Variants in NEB observed in about 807,000 individuals in gnomAD.
NEB encodes nebulin.
In NEB, 512 loss-of-function variants were observed where a neutral mutation model predicts 952.2. The ratio of observed to expected loss-of-function variants is 0.54; its 90% confidence interval spans 0.50 to 0.58. The LOEUF (loss-of-function observed/expected upper bound fraction) is 0.58. NEB is among the 20% of genes least tolerant of loss of function. The pLI is 0.00. For missense variants in NEB, 8,428 were observed against 9,231.1 expected (o/e 0.91, Z 3.56); for synonymous variants, 2,900 against 3,149.8 (o/e 0.92, Z 2.66).
At chr2:151,729,726 A>G in intron 3 of NEB, 70 bp from the exon 4 acceptor site, 1 of 1,510,386 alleles carries the variant, frequency 6.6e-7, no homozygotes, top group Non-Finnish European at 9.2e-7. Context: ...GCCTCAGCTG[A>G]ACCACTTAGG....
intron 18 of NEB, 89 bp downstream of exon 18, chr2:151,695,489 A>C: frequency 1.1e-6 from 1 of 884,428 alleles, no homozygotes; most frequent in Non-Finnish European, 1.8e-6. Context: ...TTTTAACATT[A>C]ATCTATTCAT....
At chr2:151,556,574 T>C (rs1317195411) in intron 124 of NEB, among the ~76,000 whole-genome samples, 1 of 152,000 alleles carries the variant, frequency 6.6e-6, no homozygotes, top group Non-Finnish European at 1.5e-5. Context: ...TAAAAGGTTT[T>C]ACACAGACTT....
At chr2:151,548,280 G>T in intron 131 of NEB, 28 bp downstream of exon 131, 1 of 1,530,522 alleles carries the variant, frequency 6.5e-7, no homozygotes, top group Non-Finnish European at 9.1e-7. Flanking sequence ...AACTCAATAT[G>T]TCTCTTGGAG....
chr2:151,576,119 A>G, intron 106 of NEB, 32 bp downstream of exon 106: 1 of 1,473,346 alleles, frequency 6.8e-7, no homozygotes, highest in Non-Finnish European at 9.3e-7. Flanking sequence ...TTATGGCATT[A>G]ATTCAATTTT....
chr2:151,680,750 T>C lies in NEB; in HGVS notation c.3022A>G (p.Asn1008Asp), dbSNP rs1576128802. 1 of 1,608,688 alleles carries C rather than the reference T, an allele frequency of 6.2e-7. No homozygotes were observed. Among genetic ancestry groups the C allele is most frequent in the African/African-American group, 1.3e-5 (1 of 74,926 alleles). Residue 1008 changes from asparagine (N) to aspartate (D), a missense_variant, in exon 30 of 182, where the codon AAC becomes GAC. Physicochemically the swap from Asn to Asp is conservative, Grantham distance 23. Transcript: ENST00000397345. ...DAPITVQSKI[N>D]QAQRSDIAYK... Reference sequence around the variant, plus strand: ...CTTACATCACTCCTCTGGGCCTGGTTAATTTTAGACTGTACTGTAATTGGA... The same window carrying C: ...CTTACATCACTCCTCTGGGCCTGGTCAATTTTAGACTGTACTGTAATTGGA...
intron 71 of NEB, among the ~76,000 whole-genome samples, chr2:151,622,432 T>C (rs2098437218): frequency 6.6e-6 from 1 of 152,252 alleles, no homozygotes; most frequent in Non-Finnish European, 1.5e-5. Context: ...TATGTTTTAA[T>C]ATTTTAAAAT....
chr2:151,523,971 C>T (rs371358588), intron 153 of NEB, among the ~76,000 whole-genome samples: 1 of 152,166 alleles, frequency 6.6e-6, no homozygotes, highest in Non-Finnish European at 1.5e-5. Context: ...TCCCAGGTGA[C>T]TCAAGTATGA....
At position 151,522,068 on chromosome 2, in the gene NEB, A is replaced by G. The variant is rs565335470; in HGVS notation, c.22479+2243T>C. On this transcript the variant is annotated intron_variant, in intron 153 of 181. Coordinates refer to ENST00000397345, the MANE Select transcript of NEB (RefSeq NM_001164508.2). ...AACTCTGCAATGCCATGTCTCGGCA[A>G]GTGGCAGCCCCCGGGGTTTATAATC... Among the ~76,000 whole-genome samples, 24 of 152,336 alleles carry G rather than the reference A, an allele frequency of 1.6e-4. 1 individual carries two copies. The South Asian group carries it at 4.8e-3, about 30-fold the overall frequency.
chr2:151,578,575 C>T (rs1298262694), intron 105 of NEB, among the ~76,000 whole-genome samples: 1 of 151,222 alleles, frequency 6.6e-6, no homozygotes, highest in Non-Finnish European at 1.5e-5. Context: ...GCAGAAGAAT[C>T]GCTTGAACCC....
intron 53 of NEB, 51 bp from the exon 54 acceptor site, chr2:151,650,430 T>C (rs2099018313): frequency 1.3e-6 from 2 of 1,559,716 alleles, no homozygotes; most frequent in Non-Finnish European, 1.8e-6. Context: ...CCTGGACCCT[T>C]GATTCAAGTG....
In NEB at chr2:151,727,163, C is replaced by T. The variant is rs61576710; in HGVS notation, c.294+528G>A. ...TTCCCAGGGGGTTCCAGTGTGCAGC[C>T]ATGGTTAATAACCACTGTTTTAAGG... On this transcript the variant is annotated intron_variant, in intron 5 of 181. Coordinates refer to ENST00000397345, the MANE Select transcript of NEB (RefSeq NM_001164508.2). Among the ~76,000 whole-genome samples the T allele has an allele frequency of 6.4e-3, 968 of 152,214 alleles. 56 individuals are homozygous for T. In the East Asian group the frequency reaches 0.14, roughly 22 times the overall value.
chr2:151,611,695 T>C (rs944723023), intron 78 of NEB, among the ~76,000 whole-genome samples: 1 of 152,194 alleles, frequency 6.6e-6, no homozygotes, highest in Non-Finnish European at 1.5e-5. Context: ...AAAGCAGAGA[T>C]TGCAGCTAGC....
chr2:151,506,895 A>C lies in NEB; in HGVS notation c.23556+14T>G. 6.5e-7 allele frequency: 1 copy of C among 1,540,042 alleles called. No individual in the cohort carries two copies. Among genetic ancestry groups the C allele is most frequent in the Non-Finnish European group, 9.0e-7 (1 of 1,115,000 alleles). On this transcript the variant is annotated intron_variant, in intron 163 of 181. Transcript: ENST00000397345. ...CTAGGTTAGCATTAAATGCAAAATA[A>C]ATAGTAAATATACCGAGCTGAAATT...
chr2:151,522,599 C>T (rs2082642463), intron 153 of NEB, among the ~76,000 whole-genome samples: 1 of 152,120 alleles, frequency 6.6e-6, no homozygotes, highest in Non-Finnish European at 1.5e-5. Flanking sequence ...AACAAATTTC[C>T]ACAGCAATCT....
chr2:151,537,186 G>A lies in NEB; in HGVS notation c.21153C>T (p.Ala7051=). ...LTWLKGIGCY[A]YDTPDFTLAE... is the part of the protein sequence containing the mutation. ...CCAGAGTGAAATCAGGGGTATCATAGGCATAGCAACCAATGCCTTTAAGCC... is the reference window on the plus strand; with the variant it reads ...CCAGAGTGAAATCAGGGGTATCATAAGCATAGCAACCAATGCCTTTAAGCC... Residue 7051 remains alanine (A), a synonymous_variant, in exon 141 of 182, where the codon GCC becomes GCT. Coordinates refer to ENST00000397345, the MANE Select transcript of NEB (RefSeq NM_001164508.2). 1 of 1,613,202 alleles carries A rather than the reference G, an allele frequency of 6.2e-7. No homozygotes were observed. The highest frequency in any genetic ancestry group is 8.5e-7 in the Non-Finnish European group (1 of 1,179,468).
chr2:151,678,109 C>A lies in NEB; in HGVS notation c.3334G>T (p.Val1112Phe). Residue 1112 changes from valine (V) to phenylalanine (F), a missense_variant, in exon 33 of 182, where the codon GTT becomes TTT. Val to Phe is a conservative substitution (Grantham distance 50). Transcript: ENST00000397345. ...ATCTTGGCCACGTTCATATAATGAA[C>A]CAGTTTAGGGTCATCTTGAAGACTT... ...FQSLQDDPKLVHYMNVAKIQS... is the reference protein window; with the variant it reads ...FQSLQDDPKLFHYMNVAKIQS... 3.1e-6 allele frequency: 5 copies of A among 1,613,710 alleles called. No homozygotes were observed. Among genetic ancestry groups the A allele is most frequent in the Non-Finnish European group, 4.2e-6 (5 of 1,179,712 alleles).
intron 161 of NEB, among the ~76,000 whole-genome samples, chr2:151,508,502 C>G (rs971322394): frequency 6.6e-6 from 1 of 152,148 alleles, no homozygotes; most frequent in African/African-American, 2.4e-5. Context: ...AACAGGCAGG[C>G]GGAGAGAAGC....
rs560043429 is a variant in NEB at position 151,497,063 on chromosome 2, A to C, written c.24301-30T>G. ...GCGATAAGAAAGCAACCAGAAAAAC[A>C]ACCATGAGTAACATTTCATTTGTTG... On this transcript the variant is annotated intron_variant, in intron 171 of 181. Coordinates refer to ENST00000397345, the MANE Select transcript of NEB (RefSeq NM_001164508.2). 17 of 1,547,754 alleles carry C rather than the reference A, an allele frequency of 1.1e-5. No homozygotes were observed. In the African/African-American group the frequency reaches 1.8e-4, roughly 16 times the overall value.
At chr2:151,700,348 C>G (rs1232327013) in intron 13 of NEB, among the ~76,000 whole-genome samples, 43 of 77,566 alleles carry the variant, frequency 5.5e-4, no homozygotes, top group African/African-American at 1.4e-3. Context: ...GCGATGCGGG[C>G]TCTTTTTTGG....
Sources: gnomAD v4.1 joint callset for allele counts (sites outside exome capture counted in the v4.1 genomes callset) on GRCh38, gnomAD v4.1.1 for gene constraint, MANE v1.5 for transcripts, NCBI Gene and HGNC (gene_info 2026-07-23, HGNC 2026-07-21) for gene names.